Variants in MSI1 observed in about 807,000 individuals in gnomAD.
The protein encoded by MSI1 is RNA-binding protein Musashi homolog 1.
Under a neutral mutation model 54.4 loss-of-function variants are expected in MSI1, and 15 were observed. The ratio of observed to expected loss-of-function variants is 0.28; its 90% confidence interval spans 0.18 to 0.42. The LOEUF is 0.42. Ranked by LOEUF, MSI1 falls within the 20% of genes least tolerant of loss-of-function variation. The pLI, the probability that MSI1 is intolerant of heterozygous loss-of-function variation, is 1.00. For missense variants in MSI1, 304 were observed against 506.0 expected, an observed-to-expected ratio of 0.60 and a Z score of 3.83; for synonymous variants, 200 against 196.5, an observed-to-expected ratio of 1.02 and a Z score of -0.15.
intron 6 of MSI1, among the ~76,000 whole-genome samples, chr12:120,362,793 A>T (rs78717488): frequency 0.011 from 1,663 of 152,288 alleles, 33 homozygotes; most frequent in African/African-American, 0.039. Flanking sequence ...AGAGAAAAAT[A>T]CAGTGGAAGG....
rs150038445 is a variant in MSI1 at position 120,348,440 on chromosome 12, T to C, written c.791-926A>G. 3.1e-3 allele frequency among the ~76,000 whole-genome samples: 476 copies of C among 152,274 alleles called. 2 individuals carry two copies. Among genetic ancestry groups the C allele is most frequent in the African/African-American group, 0.011 (445 of 41,554 alleles). On this transcript the variant is annotated intron_variant, in intron 11 of 14. Transcript: ENST00000257552. ...CTTCTCACTCAGATGCCACCTCCTCTAAGAAGCTTTCCCTGAATACCCCCA... is the reference window on the plus strand; with the variant it reads ...CTTCTCACTCAGATGCCACCTCCTCCAAGAAGCTTTCCCTGAATACCCCCA...
chr12:120,366,566 C>T (rs1240986621), intron 4 of MSI1, among the ~76,000 whole-genome samples: 2 of 152,142 alleles, frequency 1.3e-5, no homozygotes, highest in Non-Finnish European at 2.9e-5. Flanking sequence ...ATCCCACAGA[C>T]CCACGCACAC....
In MSI1 at chr12:120,369,135, G is replaced by A. The variant is rs1437824877; in HGVS notation, c.-44C>T. The A allele has an allele frequency of 1.0e-6, 1 of 1,001,448 alleles. No homozygotes were observed. The highest frequency in any genetic ancestry group is 1.2e-6 in the Non-Finnish European group (1 of 845,204). The allele number at this position is 1,001,448 out of a possible 1,614,324, so 62.0% of individuals were successfully genotyped here. ...CGGGCAGCGGAGCGGCGGCGGCGGC[G>A]GCGGCGGCGGCGCTCGGCGCGGGGC... On this transcript the variant is annotated 5_prime_UTR_variant, in exon 1 of 15. Transcript: ENST00000257552.
intron 6 of MSI1, among the ~76,000 whole-genome samples, chr12:120,359,520 C>T (rs1875450574): frequency 6.6e-6 from 1 of 152,188 alleles, no homozygotes; most frequent in South Asian, 2.1e-4. Flanking sequence ...TCTCCGGCTA[C>T]AGATCTTTTC....
chr12:120,359,291 T>G (rs948868951), intron 6 of MSI1, among the ~76,000 whole-genome samples: 6 of 152,150 alleles, frequency 3.9e-5, no homozygotes, highest in Non-Finnish European at 7.4e-5. Flanking sequence ...CAACATTCCC[T>G]GCATGGTAAG....
At chr12:120,359,529 T>C (rs1336532931) in intron 6 of MSI1, among the ~76,000 whole-genome samples, 1 of 152,204 alleles carries the variant, frequency 6.6e-6, no homozygotes, top group Non-Finnish European at 1.5e-5. Flanking sequence ...ACAGATCTTT[T>C]CCTCTAATTG....
rs1166621259 is a variant in MSI1, at chr12:120,368,500, C to G, written c.101-227G>C. Among the ~76,000 whole-genome samples, 1 of 151,994 alleles carries G rather than the reference C, an allele frequency of 6.6e-6. No individual in the cohort carries two copies. Among genetic ancestry groups the G allele is most frequent in the Admixed American group, 6.5e-5 (1 of 15,272 alleles). On this transcript the variant is annotated intron_variant, in intron 2 of 14. Coordinates refer to ENST00000257552, the MANE Select transcript of MSI1 (RefSeq NM_002442.4). The surrounding 1 kb of genome is among the most constrained non-coding windows in gnomAD (Gnocchi z 6.6). ...GGGCCGAGCTGGGCTGGAAGGGGGA[C>G]GGCTCCGGCCGGGTTCCCGCCGCTC...
chr12:120,347,349 C>T (rs1160237631), intron 12 of MSI1, 97 bp downstream of exon 12: 2 of 1,358,042 alleles, frequency 1.5e-6, no homozygotes, highest in Non-Finnish European at 2.1e-6. Flanking sequence ...AACAAGTGTC[C>T]CTCTGCAAAG....
intron 10 of MSI1, among the ~76,000 whole-genome samples, chr12:120,351,870 G>A (rs371974091): frequency 4.6e-5 from 7 of 151,362 alleles, no homozygotes; most frequent in African/African-American, 1.2e-4. Flanking sequence ...CACCACGCCC[G>A]GATAATTTTT....
At chr12:120,350,513 C>T (rs752460910) in intron 11 of MSI1, among the ~76,000 whole-genome samples, 12 of 152,186 alleles carry the variant, frequency 7.9e-5, no homozygotes, top group Non-Finnish European at 1.3e-4. Flanking sequence ...CCTGAGCACC[C>T]CTTGGAAGGA....
At chr12:120,363,966 G>C (rs1172308550) in intron 5 of MSI1, among the ~76,000 whole-genome samples, 1 of 152,176 alleles carries the variant, frequency 6.6e-6, no homozygotes, top group Non-Finnish European at 1.5e-5. Context: ...TGATAAGTCA[G>C]TAAACTCAGG....
intron 11 of MSI1, among the ~76,000 whole-genome samples, chr12:120,349,882 C>T (rs1874446925): frequency 6.6e-6 from 1 of 152,172 alleles, no homozygotes; most frequent in African/African-American, 2.4e-5. Context: ...AGGAGCCAAC[C>T]CCAGCATGTG....
chr12:120,353,592 C>A (rs1258125239), intron 9 of MSI1, among the ~76,000 whole-genome samples: 4 of 152,204 alleles, frequency 2.6e-5, no homozygotes, highest in African/African-American at 4.8e-5. Context: ...CTGTTAGGCA[C>A]CCCATTTTAC....
intron 9 of MSI1, among the ~76,000 whole-genome samples, chr12:120,354,399 A>G (rs1874894477): frequency 6.6e-6 from 1 of 150,994 alleles, no homozygotes; most frequent in Non-Finnish European, 1.5e-5. Context: ...CCTCTTAACC[A>G]CCGATCTCAC....
At position 120,368,924 on chromosome 12, in the gene MSI1, G is replaced by A; in HGVS notation, c.60-51C>T. 1 of 1,325,474 alleles carries A rather than the reference G, an allele frequency of 7.5e-7. No homozygotes were observed. The highest frequency in any genetic ancestry group is 9.8e-7 in the Non-Finnish European group (1 of 1,019,702). 82.1% of individuals were successfully genotyped at this position (1,325,474 alleles called of 1,614,324 possible). A position where few individuals can be genotyped will look rare whatever the true frequency, so the allele number is the denominator to read the frequency against. On this transcript the variant is annotated intron_variant, in intron 1 of 14. Coordinates refer to ENST00000257552, the MANE Select transcript of MSI1 (RefSeq NM_002442.4). This position sits in a 1 kb window ranked among gnomAD's most constrained non-coding sequence, Gnocchi z 6.6. Reference sequence around the variant, plus strand: ...GGCCCGCGTGAGCGCCGGGCGCCAGGGCGCAGGGGGCGCGGGCCCGGGCTC... The same window carrying A: ...GGCCCGCGTGAGCGCCGGGCGCCAGAGCGCAGGGGGCGCGGGCCCGGGCTC...
intron 7 of MSI1, among the ~76,000 whole-genome samples, chr12:120,358,438 C>A (rs1224914779): frequency 6.6e-6 from 1 of 152,124 alleles, no homozygotes; most frequent in Non-Finnish European, 1.5e-5. Flanking sequence ...AACACATACC[C>A]CACTCCCAAA....
intron 12 of MSI1, among the ~76,000 whole-genome samples, chr12:120,346,719 A>G (rs1366013041): frequency 1.3e-5 from 2 of 151,980 alleles, no homozygotes; most frequent in African/African-American, 2.4e-5. Flanking sequence ...TGCATATGCT[A>G]TTCCCTCAAC....
intron 6 of MSI1, among the ~76,000 whole-genome samples, chr12:120,360,016 T>C (rs1875495959): frequency 6.6e-6 from 1 of 152,038 alleles, no homozygotes; most frequent in Non-Finnish European, 1.5e-5. Context: ...GACAGAGTCT[T>C]ACTCTGTCAC....
In MSI1 at chr12:120,368,858, C is replaced by G. The variant is rs1472471795; in HGVS notation, c.75G>C (p.Gly25=). 3 of 1,472,680 alleles carry G rather than the reference C, an allele frequency of 2.0e-6. No individual in the cohort carries two copies. The highest frequency in any genetic ancestry group is 2.1e-5 in the Admixed American group (1 of 48,334). 91.2% of individuals were successfully genotyped at this position (1,472,680 alleles called of 1,614,324 possible). The change falls in exon 2 of 15, where the codon GGG becomes GGC. Residue 25 remains glycine (G), a synonymous_variant. Transcript: ENST00000257552. This position sits in a 1 kb window ranked among gnomAD's most constrained non-coding sequence, Gnocchi z 6.6. Reference sequence around the variant, plus strand: ...CCTGCGTAGTCTGCCAACTGAGTCCCCCGATGAACATCTTGCTGCGGGAGG... The same window carrying G: ...CCTGCGTAGTCTGCCAACTGAGTCCGCCGATGAACATCTTGCTGCGGGAGG... The part of the protein sequence containing the change: ...SPHDPCKMFI[G]GLSWQTTQEG...
Sources: gnomAD v4.1 joint callset for allele counts (sites outside exome capture counted in the v4.1 genomes callset) on GRCh38, gnomAD v4.1.1 for gene constraint, Gnocchi (gnomAD v3.1) non-coding constraint, MANE v1.5 for transcripts, NCBI Gene and HGNC (gene_info 2026-07-23, HGNC 2026-07-21) for gene names.